The following ATXN7L3 variants were observed in gnomAD, a reference collection of about 807,000 sequenced individuals.
ATXN7L3 encodes ataxin-7-like protein 3.
A neutral mutation model predicts 50.0 loss-of-function variants in ATXN7L3; 6 were observed. The observed-to-expected ratio is 0.12, with a 90% CI of 0.07 to 0.24. The LOEUF (loss-of-function observed/expected upper bound fraction) is 0.24, where lower values mean the gene tolerates loss of function less well. Ranked by LOEUF, ATXN7L3 falls within the 10% of genes least tolerant of loss-of-function variation. The pLI is 1.00. For synonymous variants in ATXN7L3, 198 were observed against 165.8 expected, an observed-to-expected ratio of 1.19 and a Z score of -1.49; for missense variants, 322 against 451.3, an observed-to-expected ratio of 0.71 and a Z score of 2.60.
rs1488681737 is a variant in ATXN7L3, at chr17:44,193,782, C to T, written c.*481G>A. The T allele has an allele frequency of 6.0e-6, 1 of 165,512 alleles. No individual in the cohort carries two copies. The highest frequency in any genetic ancestry group is 2.4e-5 in the African/African-American group (1 of 41,578). 10.3% of individuals were successfully genotyped at this position (165,512 alleles called of 1,614,324 possible). A position where few individuals can be genotyped will look rare whatever the true frequency, so the allele number is the denominator to read the frequency against. On this transcript the variant is annotated 3_prime_UTR_variant, in exon 13 of 13. Coordinates refer to ENST00000587097, the MANE Select transcript of ATXN7L3 (RefSeq NM_001382309.1). ...TGCACACAGACAGGACATGCCCAGC[C>T]TTGCCCCTCAGCTCCAAGCACCGGA...
chr17:44,195,258 G>GC (rs1480121337), intron 9 of ATXN7L3, 118 bp from the exon 10 acceptor site: 1 of 1,363,060 alleles, frequency 7.3e-7, no homozygotes, highest in East Asian at 2.3e-5. Context: ...GGTGTCCAGA[G>GC]CAGATGGTCC....
At position 44,192,585 on chromosome 17, in the gene ATXN7L3, A is replaced by G. The variant is rs1165593704; in HGVS notation, c.*1678T>C. On this transcript the variant is annotated 3_prime_UTR_variant, in exon 13 of 13. Coordinates refer to ENST00000587097, the MANE Select transcript of ATXN7L3 (RefSeq NM_001382309.1). ...GCCTCCTCTCGGAGGGAGACTACGG[A>G]GGGCCAAGAATAGAGAAGCCCAGGC... 1 of 152,158 alleles carries G rather than the reference A, an allele frequency of 6.6e-6. No homozygotes were observed. Among genetic ancestry groups the G allele is most frequent in the Non-Finnish European group, 1.5e-5 (1 of 68,036 alleles). 9.4% of individuals were successfully genotyped at this position (152,158 alleles called of 1,614,324 possible).
At chr17:44,198,380 G>C (rs944920468) in intron 1 of ATXN7L3, 19 of 364,786 alleles carry the variant, frequency 5.2e-5, no homozygotes, top group Middle Eastern at 7.1e-4. Flanking sequence ...GGAGGCAGCA[G>C]CTCACCCTAG....
chr17:44,198,235 G>GTCTC, intron 1 of ATXN7L3, 105 bp from the exon 2 acceptor site: 1 of 655,114 alleles, frequency 1.5e-6, no homozygotes, highest in Non-Finnish European at 2.6e-6. Context: ...TGGCATCAGG[G>GTCTC]TCTCTCCCTC....
rs1249937893 is a variant in ATXN7L3 at position 44,197,039 on chromosome 17, GGGAAGAGAAAGGGGCCAAGGGGAA to G, written c.357-37_357-14del. On this transcript the variant is annotated splice_polypyrimidine_tract_variant and intron_variant, in intron 4 of 12. Transcript: ENST00000587097. ...GCTATTGGCAATCCTGCCAAGGGGA[GGGAAGAGAAAGGGGCCAAGGGGAA>G]GGAAGAGAAAGGGGTCAAGGTGGTC... The G allele has an allele frequency of 5.0e-6, 8 of 1,602,008 alleles. No homozygotes were observed. The highest frequency in any genetic ancestry group is 3.3e-5 in the Admixed American group (2 of 59,964).
At chr17:44,197,954 T>G in intron 2 of ATXN7L3, 66 bp downstream of exon 2, 2 of 1,574,278 alleles carry the variant, frequency 1.3e-6, no homozygotes, top group Non-Finnish European at 1.7e-6. Flanking sequence ...TTGGTGTGGA[T>G]GCCAGATACA....
At chr17:44,195,357 G>C (rs955358761) in intron 9 of ATXN7L3, 62 bp downstream of exon 9, 7 of 1,545,382 alleles carry the variant, frequency 4.5e-6, no homozygotes, top group African/African-American at 4.1e-5. Flanking sequence ...CCCAGGCCTT[G>C]ACCACTGCCT....
At chr17:44,197,942 C>T in intron 2 of ATXN7L3, 78 bp downstream of exon 2, 7 of 1,560,058 alleles carry the variant, frequency 4.5e-6, no homozygotes, top group African/African-American at 2.7e-5. Flanking sequence ...CCAAATTCCT[C>T]TTTGGTGTGG....
At chr17:44,196,178 A>C in intron 6 of ATXN7L3, 99 bp from the exon 7 acceptor site, 2 of 1,423,870 alleles carry the variant, frequency 1.4e-6, no homozygotes, top group Non-Finnish European at 2.0e-6. Flanking sequence ...AGCATCCTCA[A>C]ATTCCTACTC....
intron 12 of ATXN7L3, 44 bp downstream of exon 12, chr17:44,194,473 T>C (rs2055810437): frequency 6.2e-7 from 1 of 1,613,002 alleles, no homozygotes; most frequent in Non-Finnish European, 8.5e-7. Flanking sequence ...GGCACCCCCA[T>C]GGCTTTGGGC....
chr17:44,196,633 C>G (rs2055904822), intron 5 of ATXN7L3, among the ~76,000 whole-genome samples: 1 of 151,786 alleles, frequency 6.6e-6, no homozygotes, highest in African/African-American at 2.4e-5. Context: ...CAAAAATTAG[C>G]TGGGCATGGT....
In ATXN7L3 at chr17:44,195,818, G is replaced by C. The variant is rs758906257; in HGVS notation, c.534C>G (p.Ser178Arg). The C allele has an allele frequency of 6.2e-7, 1 of 1,610,978 alleles. No individual in the cohort carries two copies. The highest frequency in any genetic ancestry group is 1.3e-5 in the African/African-American group (1 of 74,820). The change falls in exon 8 of 13, where the codon AGC becomes AGG. Residue 178 changes from serine (S) to arginine (R), a missense_variant. Transcript: ENST00000587097. ...TACTCACCTTAAAAGGATCCGAATT[G>C]CTAAGTTCCCCTGAAGAAGAAAAAA... is the stretch of plus-strand genomic sequence containing the variant. ...KSLKHKNGELSNSDPFKYNNS... is the reference protein window; with the variant it reads ...KSLKHKNGELRNSDPFKYNNS...
rs186812360 is a variant in ATXN7L3 at position 44,194,836 on chromosome 17, G to C, written c.669C>G (p.Ser223=). ...SEHTKKMCTR[S]LRCPQHTDEQ... The stretch of plus-strand genomic sequence containing the variant: ...CATCTGTGTGCTGTGGGCAGCGCAG[G>C]GACCTGGTGGTGAGGCAAGGCAGGG... Residue 223 remains serine (S), a synonymous_variant, in exon 11 of 13, where the codon TCC becomes TCG. Transcript: ENST00000587097. 7.4e-6 allele frequency: 12 copies of C among 1,614,112 alleles called. No homozygotes were observed. In the African/African-American group the frequency reaches 1.3e-4, roughly 18 times the overall value.
rs1367096927 is a variant in ATXN7L3 at position 44,192,307 on chromosome 17, A to C, written c.*1956T>G. On this transcript the variant is annotated 3_prime_UTR_variant, in exon 13 of 13. Transcript: ENST00000587097. ...AGCCTGGGCAGGGGGCTCTGCCCTGAGGGCGGGCCAAGGAACAATGGGGAA... is the reference window on the plus strand; with the variant it reads ...AGCCTGGGCAGGGGGCTCTGCCCTGCGGGCGGGCCAAGGAACAATGGGGAA... 6.6e-6 allele frequency: 1 copy of C among 152,298 alleles called. No homozygotes were observed. Among genetic ancestry groups the C allele is most frequent in the Non-Finnish European group, 1.5e-5 (1 of 68,088 alleles). The allele number at this position is 152,298 out of a possible 1,614,324, so 9.4% of individuals were successfully genotyped here. A position where few individuals can be genotyped will look rare whatever the true frequency, so the allele number is the denominator to read the frequency against.
intron 7 of ATXN7L3, 102 bp from the exon 8 acceptor site, chr17:44,195,930 G>A: frequency 6.4e-7 from 1 of 1,563,146 alleles, no homozygotes; most frequent in Non-Finnish European, 8.7e-7. Flanking sequence ...AAGGATCACA[G>A]GCCCTCCCTC....
Position 44,197,597 on chromosome 17 carries a change from C to T in ATXN7L3, c.184+1G>A. ...TGCTGCTCCTTCACCCTGAAGCTCA[C>T]CAAAATCCTTCATGCTATCAGGGTC... On this transcript the variant is annotated splice_donor_variant, in intron 3 of 12. Coordinates refer to ENST00000587097, the MANE Select transcript of ATXN7L3 (RefSeq NM_001382309.1). LOFTEE classifies it high-confidence loss of function. 6.2e-7 allele frequency: 1 copy of T among 1,614,246 alleles called. No individual in the cohort carries two copies.
In ATXN7L3 at chr17:44,193,970, C is replaced by T. The variant is rs2055788652; in HGVS notation, c.*293G>A. 4 of 370,068 alleles carry T rather than the reference C, an allele frequency of 1.1e-5. No individual in the cohort carries two copies. Among genetic ancestry groups the T allele is most frequent in the Non-Finnish European group, 2.0e-5 (4 of 201,620 alleles). 22.9% of individuals were successfully genotyped at this position (370,068 alleles called of 1,614,324 possible). ...CACAGTGCCCAGGTCAGGCCCCTGG[C>T]CTAGCTGGACATCCAGTAACTCACA... On this transcript the variant is annotated 3_prime_UTR_variant, in exon 13 of 13. Transcript: ENST00000587097.
chr17:44,194,578 AGAG>A lies in ATXN7L3; in HGVS notation c.831_833del (p.Ser278del), dbSNP rs1365187059. ...AGCCTGAATCAGAGGGTGAGAGGTC[AGAG>A]GAGCCGTCCCACTGAAGCCGGCTGA... On this transcript the variant is annotated inframe_deletion, in exon 12 of 13. Transcript: ENST00000587097. The A allele has an allele frequency of 2.5e-6, 4 of 1,613,732 alleles. No individual in the cohort carries two copies. The Admixed American group carries it at 6.7e-5, about 27-fold the overall frequency.
Position 44,197,583 on chromosome 17 carries a change from C to T in ATXN7L3, c.184+15G>A. On this transcript the variant is annotated intron_variant, in intron 3 of 12. Coordinates refer to ENST00000587097, the MANE Select transcript of ATXN7L3 (RefSeq NM_001382309.1). ...GGGAAGGGCTGGACTGCTGCTCCTT[C>T]ACCCTGAAGCTCACCAAAATCCTTC... The T allele has an allele frequency of 6.2e-7, 1 of 1,614,214 alleles. No individual in the cohort carries two copies. The highest frequency in any genetic ancestry group is 8.5e-7 in the Non-Finnish European group (1 of 1,180,020).
Sources: allele counts gnomAD v4.1 joint callset (sites outside exome capture counted in the v4.1 genomes callset), GRCh38; gene constraint gnomAD v4.1.1; transcripts MANE v1.5; gene names NCBI Gene and HGNC (gene_info 2026-07-23, HGNC 2026-07-21).